Variants in GAB3 observed in about 807,000 individuals in gnomAD.
GAB3 encodes the protein GRB2 associated binding protein 3, also known as GRB2-associated-binding protein 3.
Under a neutral mutation model 40.4 loss-of-function variants are expected in GAB3, and 12 were observed. That is an observed-to-expected ratio of 0.30 (90% CI 0.19 to 0.48). GAB3 has a LOEUF of 0.48. GAB3 is among the 20% of genes least tolerant of loss of function. GAB3 has a pLI of 0.99. For synonymous variants in GAB3, 154 were observed against 176.7 expected (o/e 0.87, Z 1.02); for missense variants, 381 against 461.9 (o/e 0.82, Z 1.61).
intron 1 of GAB3, among the ~76,000 whole-genome samples, chrX:154,719,443 AGTG>A (rs1303233985): frequency 8.9e-5 from 10 of 112,256 alleles, no homozygotes; most frequent in Admixed American, 1.9e-4. Flanking sequence ...TCCAGGAAGA[AGTG>A]GTGACTAAGC....
chrX:154,709,466 A>G (rs782737794), intron 4 of GAB3, among the ~76,000 whole-genome samples: 1,662 of 108,592 alleles, frequency 0.015, 14 homozygotes, highest in Non-Finnish European at 0.024. Flanking sequence ...GACCACAGGC[A>G]CCCGCCACCA....
chrX:154,736,296 C>T (rs1158493161), intron 1 of GAB3, among the ~76,000 whole-genome samples: 1 of 112,101 alleles, frequency 8.9e-6, no homozygotes, highest in Admixed American at 9.4e-5. Context: ...TGATTAGGAG[C>T]GAATGAGAAA....
chrX:154,680,204 C>T lies in GAB3; in HGVS notation c.1575G>A (p.Thr525=), dbSNP rs782689299. The T allele has an allele frequency of 8.3e-6, 10 of 1,206,828 alleles. No homozygotes were observed. Among genetic ancestry groups the T allele is most frequent in the African/African-American group, 3.5e-5 (2 of 56,859 alleles). ...TASSLSSGAL[T]WTKKFSLDYL... ...AATCTAGGCTGAATTTCTTTGTCCA[C>T]GTAAGGGCACCACTGCTCAGGGAAC... is the stretch of plus-strand genomic sequence containing the variant. Residue 525 remains threonine (T), a synonymous_variant, in exon 9 of 10, where the codon ACG becomes ACA. Coordinates refer to ENST00000424127, the MANE Select transcript of GAB3 (RefSeq NM_001081573.3).
intron 4 of GAB3, among the ~76,000 whole-genome samples, chrX:154,710,497 ACATGGGCACTT>A (rs1189416983): frequency 3.6e-5 from 4 of 111,863 alleles, no homozygotes; most frequent in East Asian, 2.8e-4. Context: ...ACCCTCACAT[ACATGGGCACTT>A]CATCTATGGC....
chrX:154,748,078 C>G (rs2071555248), intron 1 of GAB3, among the ~76,000 whole-genome samples: 1 of 111,639 alleles, frequency 9.0e-6, no homozygotes, highest in Non-Finnish European at 1.9e-5. Context: ...GCTTTATTAT[C>G]ACTGTTATTA....
chrX:154,708,190 G>A (rs2070844135), intron 4 of GAB3, among the ~76,000 whole-genome samples: 1 of 111,076 alleles, frequency 9.0e-6, no homozygotes, highest in South Asian at 3.8e-4. Flanking sequence ...AATGAACTTG[G>A]GCCCTTTTCT....
chrX:154,696,210 C>T (rs1271178331), intron 7 of GAB3, 191 bp from the exon 8 acceptor site: 1 of 296,305 alleles, frequency 3.4e-6, no homozygotes, highest in Non-Finnish European at 6.0e-6. Context: ...CAAATGGCTC[C>T]CAATTCACAA....
At chrX:154,693,432 G>A (rs1225324358) in intron 8 of GAB3, among the ~76,000 whole-genome samples, 1 of 112,333 alleles carries the variant, frequency 8.9e-6, no homozygotes, top group African/African-American at 3.2e-5. Flanking sequence ...GGAAAGAGCT[G>A]TTAATACATG....
chrX:154,678,131 T>A lies in GAB3; in HGVS notation c.*47A>T. On this transcript the variant is annotated 3_prime_UTR_variant, in exon 10 of 10. Coordinates refer to ENST00000424127, the MANE Select transcript of GAB3 (RefSeq NM_001081573.3). ...AAAAAAAAAAAGAAAAAACTCAAAC[T>A]GAGCCCCAAGCTTCCCTGTTTCACA... 1 of 664,963 alleles carries A rather than the reference T, an allele frequency of 1.5e-6. No individual in the cohort carries two copies. The highest frequency in any genetic ancestry group is 2.3e-6 in the Non-Finnish European group (1 of 426,569). The allele number at this position is 664,963 out of a possible 1,213,427, so 54.8% of individuals were successfully genotyped here. A position where few individuals can be genotyped will look rare whatever the true frequency, so the allele number is the denominator to read the frequency against.
At chrX:154,680,954 A>G (rs1490569071) in intron 8 of GAB3, among the ~76,000 whole-genome samples, 1 of 111,989 alleles carries the variant, frequency 8.9e-6, no homozygotes, top group Non-Finnish European at 1.9e-5. Context: ...CATTAGCCCT[A>G]TTTCACTCAT....
intron 3 of GAB3, among the ~76,000 whole-genome samples, 153 bp from the exon 4 acceptor site, chrX:154,712,854 G>A (rs1468755233): frequency 1.8e-5 from 2 of 111,718 alleles, no homozygotes; most frequent in Non-Finnish European, 3.8e-5. Context: ...CCAACCCCTT[G>A]GTGTGGCAAA....
chrX:154,703,783 C>T (rs1180057445), intron 4 of GAB3, among the ~76,000 whole-genome samples: 2 of 112,084 alleles, frequency 1.8e-5, no homozygotes, highest in East Asian at 2.8e-4. Context: ...AACCTTTGTA[C>T]ACTGTTGGCA....
Position 154,683,770 on chromosome X carries a change from T to C in GAB3, c.1531-3522A>G, listed in dbSNP as rs1003767571. Among the ~76,000 whole-genome samples the C allele has an allele frequency of 3.1e-4, 35 of 111,525 alleles. 1 individual carries two copies. Among genetic ancestry groups the C allele is most frequent in the African/African-American group, 1.0e-3 (32 of 30,704 alleles). The stretch of plus-strand genomic sequence containing the variant: ...TACTACATATCTACCTGCATTCTAG[T>C]TTCCAATATGTTACTGCTATTTTCT... On this transcript the variant is annotated intron_variant, in intron 8 of 9. Coordinates refer to ENST00000424127, the MANE Select transcript of GAB3 (RefSeq NM_001081573.3).
At chrX:154,697,750 A>G (rs1557251144) in intron 6 of GAB3, among the ~76,000 whole-genome samples, 1 of 112,068 alleles carries the variant, frequency 8.9e-6, no homozygotes, top group Non-Finnish European at 1.9e-5. Context: ...CCTTCACAGC[A>G]CAGCCCCAGT....
At chrX:154,716,629 T>C (rs1036106992) in intron 1 of GAB3, among the ~76,000 whole-genome samples, 5 of 112,686 alleles carry the variant, frequency 4.4e-5, no homozygotes, top group African/African-American at 1.6e-4. Context: ...ATTTAACATA[T>C]GCTGAAGCTT....
At chrX:154,751,297 TGG>T (rs1342971890), upstream of GAB3, among the ~76,000 whole-genome samples, 2 of 50,034 alleles carry the variant, frequency 4.0e-5, no homozygotes, top group Admixed American at 2.4e-4. Flanking sequence ...GGGGGGGGTG[TGG>T]GGGGGGGAGC....
chrX:154,734,059 C>G (rs2071331555), intron 1 of GAB3, among the ~76,000 whole-genome samples: 1 of 112,295 alleles, frequency 8.9e-6, no homozygotes, highest in Non-Finnish European at 1.9e-5. Flanking sequence ...ACTGTTTAAA[C>G]CTCAGTTTAA....
chrX:154,696,986 T>C (rs2070667692), intron 7 of GAB3, 146 bp downstream of exon 7: 1 of 452,398 alleles, frequency 2.2e-6, no homozygotes, highest in Non-Finnish European at 3.8e-6. Flanking sequence ...TTGTGATCCA[T>C]AAAACAGCTC....
At chrX:154,733,660 C>T (rs1433872850) in intron 1 of GAB3, among the ~76,000 whole-genome samples, 1 of 112,000 alleles carries the variant, frequency 8.9e-6, no homozygotes, top group Non-Finnish European at 1.9e-5. Flanking sequence ...TTCCCAACCC[C>T]ACGATCAGAT....
Sources: allele counts gnomAD v4.1 joint callset (sites outside exome capture counted in the v4.1 genomes callset), GRCh38; gene constraint gnomAD v4.1.1; transcripts MANE v1.5; gene names NCBI Gene and HGNC (gene_info 2026-07-23, HGNC 2026-07-21).